The following GSG1L variants were observed in gnomAD, a reference collection of about 807,000 sequenced individuals.
GSG1L encodes the protein germ cell-specific gene 1-like protein.
In GSG1L, 24 loss-of-function variants were observed where a neutral mutation model predicts 42.1. That is an observed-to-expected ratio of 0.57 (90% CI 0.41 to 0.80). The LOEUF is 0.80. GSG1L is among the 30% of genes least tolerant of loss of function. The probability of loss-of-function intolerance (pLI) is 0.00; values close to 1 mark genes in which losing one functional copy is unlikely to be tolerated. For synonymous variants in GSG1L, 215 were observed against 203.5 expected (o/e 1.06, Z -0.48); for missense variants, 445 against 472.2 (o/e 0.94, Z 0.53).
intron 1 of GSG1L, among the ~76,000 whole-genome samples, chr16:28,010,364 G>C (rs1461229093): frequency 6.6e-6 from 1 of 152,196 alleles, no homozygotes; most frequent in Non-Finnish European, 1.5e-5. Flanking sequence ...TTAGCGGAAG[G>C]CTTGGACCCT....
At chr16:27,827,856 TTCCATCCA>T (rs72231743) in intron 5 of GSG1L, among the ~76,000 whole-genome samples, 1,361 of 128,352 alleles carry the variant, frequency 0.011, 23 homozygotes, top group African/African-American at 0.035. Flanking sequence ...CCACTCACCA[TTCCATCCA>T]TCCATCCATC....
At chr16:28,062,591 C>A (rs1422909675) in intron 1 of GSG1L, among the ~76,000 whole-genome samples, 7 of 152,182 alleles carry the variant, frequency 4.6e-5, no homozygotes, top group Admixed American at 6.5e-5. Context: ...GGAAGGCTCC[C>A]GGGTCTGTGG....
chr16:27,985,419 A>G (rs1459078009), intron 1 of GSG1L, among the ~76,000 whole-genome samples: 1 of 152,192 alleles, frequency 6.6e-6, no homozygotes, highest in African/African-American at 2.4e-5. Context: ...ACCATGGGAC[A>G]CACTGCCTTC....
chr16:28,016,214 C>T (rs1464107153), intron 1 of GSG1L, among the ~76,000 whole-genome samples: 1 of 152,146 alleles, frequency 6.6e-6, no homozygotes, highest in Non-Finnish European at 1.5e-5. Context: ...GTCTTGAACT[C>T]CTGACCTCAG....
intron 5 of GSG1L, among the ~76,000 whole-genome samples, chr16:27,827,874 CCA>C (rs2083229385): frequency 3.5e-5 from 5 of 143,958 alleles, no homozygotes; most frequent in Admixed American, 2.2e-4. Flanking sequence ...ATCCATCCAT[CCA>C]TCCATCCATC....
intron 1 of GSG1L, among the ~76,000 whole-genome samples, chr16:28,026,893 C>T (rs918097122): frequency 6.6e-6 from 1 of 152,086 alleles, no homozygotes; most frequent in African/African-American, 2.4e-5. Flanking sequence ...ACCAGCCTGG[C>T]GAACATGGTG....
At chr16:27,930,290 T>A (rs1291580992) in intron 2 of GSG1L, among the ~76,000 whole-genome samples, 1 of 152,202 alleles carries the variant, frequency 6.6e-6, no homozygotes, top group Non-Finnish European at 1.5e-5. Flanking sequence ...TGGCCCCACA[T>A]GGCCAGCCCC....
At chr16:28,051,116 T>G (rs2086218459) in intron 1 of GSG1L, among the ~76,000 whole-genome samples, 1 of 152,194 alleles carries the variant, frequency 6.6e-6, no homozygotes, top group African/African-American at 2.4e-5. Context: ...GGATGAGAAT[T>G]TGTAGACTCT....
chr16:28,063,398 C>T lies in GSG1L; in HGVS notation c.27G>A (p.Ala9=). ...GCAGGTTCAGGGCCACGGCCAGGAG[C>T]GCTCGGCCGCGGCGGCTAGTCTTCA... MKTSRRGR[A]LLAVALNLLA... The change falls in exon 1 of 7, where the codon GCG becomes GCA. Residue 9 remains alanine (A), a synonymous_variant. Transcript: ENST00000447459. This position sits in a 1 kb window ranked among gnomAD's most constrained non-coding sequence, Gnocchi z 5.8. The T allele has an allele frequency of 7.5e-7, 1 of 1,337,048 alleles. No homozygotes were observed. The highest frequency in any genetic ancestry group is 1.6e-5 in the South Asian group (1 of 64,066). 82.8% of individuals were successfully genotyped at this position (1,337,048 alleles called of 1,614,324 possible). A position where few individuals can be genotyped will look rare whatever the true frequency, so the allele number is the denominator to read the frequency against.
intron 1 of GSG1L, among the ~76,000 whole-genome samples, chr16:27,996,917 C>T (rs367601051): frequency 2.7e-4 from 41 of 152,188 alleles, no homozygotes; most frequent in African/African-American, 8.7e-4. Flanking sequence ...TGTGCCACCA[C>T]GCCAGGCCAA....
At chr16:27,979,655 G>GA (rs1567542753) in intron 1 of GSG1L, among the ~76,000 whole-genome samples, 4 of 63,102 alleles carry the variant, frequency 6.3e-5, no homozygotes, top group Non-Finnish European at 3.1e-5. Flanking sequence ...AAGAAAGAAA[G>GA]AAAGAAAGAG....
intron 1 of GSG1L, among the ~76,000 whole-genome samples, chr16:27,978,405 T>G (rs1208553319): frequency 2.0e-5 from 3 of 152,150 alleles, no homozygotes; most frequent in Non-Finnish European, 4.4e-5. Flanking sequence ...AAATCCCCAC[T>G]GTGCCAGCTG....
chr16:27,918,967 G>A (rs1422974159), intron 2 of GSG1L, among the ~76,000 whole-genome samples: 1 of 152,104 alleles, frequency 6.6e-6, no homozygotes, highest in Non-Finnish European at 1.5e-5. Flanking sequence ...CTCTCCCACG[G>A]AGCCTGGGAG....
At chr16:27,879,487 C>T (rs1216292869) in intron 3 of GSG1L, among the ~76,000 whole-genome samples, 1 of 152,166 alleles carries the variant, frequency 6.6e-6, no homozygotes, top group Non-Finnish European at 1.5e-5. Context: ...TGATGTCACA[C>T]ACCTGTAGTC....
chr16:27,808,949 C>G (rs771431267), intron 5 of GSG1L, among the ~76,000 whole-genome samples: 1 of 152,180 alleles, frequency 6.6e-6, no homozygotes, highest in Non-Finnish European at 1.5e-5. Flanking sequence ...CCTTCACCTG[C>G]GTCCCACTGA....
chr16:27,800,871 G>T lies in GSG1L; in HGVS notation c.898+6616C>A, dbSNP rs141472263. 2.1e-4 allele frequency among the ~76,000 whole-genome samples: 32 copies of T among 152,312 alleles called. No homozygotes were observed. In the East Asian group the frequency reaches 6.0e-3, roughly 28 times the overall value. On this transcript the variant is annotated intron_variant, in intron 6 of 6. Transcript: ENST00000447459. ...AAGGCGCCTGTTCTCATGGCACTTG[G>T]TGGAGAGAGGCAGCAAAACGAAAAC... is the stretch of plus-strand genomic sequence containing the variant.
chr16:27,872,929 T>G (rs1275024688), intron 3 of GSG1L, among the ~76,000 whole-genome samples: 1 of 152,214 alleles, frequency 6.6e-6, no homozygotes, highest in African/African-American at 2.4e-5. Flanking sequence ...CTAAGTATCC[T>G]TAATTGAGCA....
intron 1 of GSG1L, among the ~76,000 whole-genome samples, chr16:28,002,809 C>T (rs1196835510): frequency 4.1e-5 from 6 of 146,550 alleles, no homozygotes; most frequent in East Asian, 2.1e-4. Flanking sequence ...TGGTGGCGGG[C>T]GCCTGTAGTC....
chr16:27,895,731 C>T (rs1287752120), intron 2 of GSG1L, among the ~76,000 whole-genome samples: 1 of 151,964 alleles, frequency 6.6e-6, no homozygotes, highest in Non-Finnish European at 1.5e-5. Context: ...GTGAGTTGCC[C>T]AAGGTCACGA....
Sources: gnomAD v4.1 joint callset for allele counts (sites outside exome capture counted in the v4.1 genomes callset) on GRCh38, gnomAD v4.1.1 for gene constraint, Gnocchi (gnomAD v3.1) non-coding constraint, MANE v1.5 for transcripts, NCBI Gene and HGNC (gene_info 2026-07-23, HGNC 2026-07-21) for gene names.